NBPF11: variants seen among roughly 807,000 people sequenced by gnomAD.
The protein encoded by NBPF11 is NBPF family member NBPF11.
In NBPF11, 72 loss-of-function variants were observed where a neutral mutation model predicts 93.9. That is an observed-to-expected ratio of 0.77 (90% CI 0.63 to 0.93). The LOEUF (loss-of-function observed/expected upper bound fraction) is 0.93, where lower values mean the gene tolerates loss of function less well. Among genes scored for constraint, NBPF11 ranks in the 40% least tolerant of loss-of-function variants. The pLI is 0.00. For missense variants in NBPF11, 705 were observed against 802.2 expected (o/e 0.88, Z 1.46); for synonymous variants, 224 against 304.9 (o/e 0.73, Z 2.76).
At chr1:148,149,860 C>A (rs1182018486) in intron 1 of NBPF11, among the ~76,000 whole-genome samples, 2 of 151,376 alleles carry the variant, frequency 1.3e-5, no homozygotes, top group Non-Finnish European at 1.5e-5. Context: ...GATACTCAAT[C>A]TCAATACCAG....
intron 1 of NBPF11, among the ~76,000 whole-genome samples, chr1:148,148,419 G>A (rs1647299411): frequency 6.6e-6 from 1 of 152,122 alleles, no homozygotes. Context: ...GGCACGAGGA[G>A]GCCTTGTAAC....
intron 7 of NBPF11, 137 bp from the exon 8 acceptor site, chr1:148,122,938 A>T: frequency 6.6e-7 from 1 of 1,515,962 alleles, no homozygotes; most frequent in Non-Finnish European, 9.0e-7. Context: ...TATCCTTCAC[A>T]AAATGCCCTG....
rs1414815725 is a variant in NBPF11, at chr1:148,147,017, G to A, written c.-548-3331C>T. 1.9e-5 allele frequency: 24 copies of A among 1,270,394 alleles called. No individual in the cohort carries two copies. The Admixed American group carries it at 3.1e-4, about 16-fold the overall frequency. The allele number at this position is 1,270,394 out of a possible 1,614,324, so 78.7% of individuals were successfully genotyped here. A position where few individuals can be genotyped will look rare whatever the true frequency, so the allele number is the denominator to read the frequency against. On this transcript the variant is annotated intron_variant, in intron 1 of 23. Coordinates refer to ENST00000682118, the MANE Select transcript of NBPF11 (RefSeq NM_001385469.3). ...GGGCTTCCCTGGGAGGAAGGTGGGC[G>A]GCCCTGCAGGAGGGGAGCCACAGTG...
intron 9 of NBPF11, 31 bp from the exon 10 acceptor site, chr1:148,120,741 G>C: frequency 7.0e-7 from 1 of 1,419,092 alleles, no homozygotes; most frequent in Non-Finnish European, 1.0e-6. Flanking sequence ...CATATGATGG[G>C]TTAAAAACTG....
chr1:148,135,900 C>A lies in NBPF11; in HGVS notation c.-177-87G>T, dbSNP rs1273366378. ...CACTTTCTTACCATGACCCTGTTCA[C>A]TTGAGTGCCCTGTGTGGCCTGAGAG... On this transcript the variant is annotated intron_variant, in intron 3 of 23. Coordinates refer to ENST00000682118, the MANE Select transcript of NBPF11 (RefSeq NM_001385469.3). 7.8e-5 allele frequency: 72 copies of A among 920,762 alleles called. 2 individuals are homozygous for A. The African/African-American group carries it at 1.1e-3, about 15-fold the overall frequency. The allele number at this position is 920,762 out of a possible 1,614,324, so 57.0% of individuals were successfully genotyped here. A position where few individuals can be genotyped will look rare whatever the true frequency, so the allele number is the denominator to read the frequency against.
At position 148,110,483 on chromosome 1, in the gene NBPF11, A is replaced by G; in HGVS notation, c.1696T>C (p.Ser566Pro). 1.3e-6 allele frequency: 2 copies of G among 1,589,214 alleles called. No homozygotes were observed. The highest frequency in any genetic ancestry group is 4.5e-5 in the East Asian group (2 of 44,134). Residue 566 changes from serine to proline, a missense_variant, in exon 16 of 24, where the codon TCG becomes CCG. Ser to Pro is a moderately conservative substitution (Grantham distance 74). This residue lies in a region of NBPF11 where 8 missense variants were observed against 26.3 expected (regional missense o/e 0.30). Coordinates refer to ENST00000682118, the MANE Select transcript of NBPF11 (RefSeq NM_001385469.3). ...CTTTCAGGAGGAATTGAGAGAGTCG[A>G]ATAACCTTCATCCCAGGACTCCTGG... ...VPQESWDEGY[S>P]TLSIPPERLA...
Position 148,122,240 on chromosome 1 carries a change from T to C in NBPF11, c.593A>G (p.Lys198Arg). The C allele has an allele frequency of 2.5e-6, 4 of 1,611,720 alleles. No individual in the cohort carries two copies. Among genetic ancestry groups the C allele is most frequent in the Non-Finnish European group, 3.4e-6 (4 of 1,179,648 alleles). ...PREVQKAEESKVPEDSLEECA... is the reference protein window; with the variant it reads ...PREVQKAEESRVPEDSLEECA... ...TTCCTCCAGTGAGTCCTCAGGGACT[T>C]TGCTCTCTTCAGCCTTCTGCACCTC... is the stretch of plus-strand genomic sequence containing the variant. The change falls in exon 9 of 24, where the codon AAA (lysine) becomes AGA (arginine). Residue 198 changes from lysine (K) to arginine (R), a missense_variant. Lys to Arg is a conservative substitution (Grantham distance 26). Coordinates refer to ENST00000682118, the MANE Select transcript of NBPF11 (RefSeq NM_001385469.3).
chr1:148,127,010 G>C lies in NBPF11; in HGVS notation c.-7C>G. 1 of 681,364 alleles carries C rather than the reference G, an allele frequency of 1.5e-6. No individual in the cohort carries two copies. Among genetic ancestry groups the C allele is most frequent in the Non-Finnish European group, 2.5e-6 (1 of 395,734 alleles). The allele number at this position is 681,364 out of a possible 1,614,324, so 42.2% of individuals were successfully genotyped here. On this transcript the variant is annotated 5_prime_UTR_variant, in exon 5 of 24. Coordinates refer to ENST00000682118, the MANE Select transcript of NBPF11 (RefSeq NM_001385469.3). The stretch of plus-strand genomic sequence containing the variant: ...GGCCGGCTGATACCACCATGCTGAC[G>C]TTTGTGGCAGAAGAGGTGGAGTCAG...
chr1:148,121,359 T>TTTTTTTTC (rs1216161923), intron 9 of NBPF11, among the ~76,000 whole-genome samples: 1 of 142,724 alleles, frequency 7.0e-6, no homozygotes, highest in Admixed American at 7.2e-5. Flanking sequence ...TTTTTTTTTT[T>TTTTTTTTC]TTTTTTGAGA....
chr1:148,105,629 T>C lies in NBPF11; in HGVS notation c.2304-101A>G, dbSNP rs1663368052. On this transcript the variant is annotated intron_variant, in intron 21 of 23. Coordinates refer to ENST00000682118, the MANE Select transcript of NBPF11 (RefSeq NM_001385469.3). ...TAGCATAAGGAAGTGGTTAAAAAAG[T>C]AAAAGGATAGATCTATTAATGAGGT... is the stretch of plus-strand genomic sequence containing the variant. The C allele has an allele frequency of 2.9e-6, 2 of 692,858 alleles. 1 individual carries two copies. The allele number at this position is 692,858 out of a possible 1,614,324, so 42.9% of individuals were successfully genotyped here.
At position 148,114,426 on chromosome 1, in the gene NBPF11, CACA is replaced by C. The variant is rs1201819153; in HGVS notation, c.1637+8_1637+10del. The C allele has an allele frequency of 5.9e-5, 32 of 546,068 alleles. 1 individual carries two copies. The highest frequency in any genetic ancestry group is 1.0e-4 in the Non-Finnish European group (32 of 316,662). The allele number at this position is 546,068 out of a possible 1,614,324, so 33.8% of individuals were successfully genotyped here. A position where few individuals can be genotyped will look rare whatever the true frequency, so the allele number is the denominator to read the frequency against. ...CTACTGAATTAACAGCCAACAATTC[CACA>C]ACATTACCTGGGAGACACTGGCCCT... On this transcript the variant is annotated splice_region_variant and intron_variant, in intron 15 of 23. Coordinates refer to ENST00000682118, the MANE Select transcript of NBPF11 (RefSeq NM_001385469.3).
chr1:148,108,753 G>A (rs1321446333), intron 17 of NBPF11, 99 bp from the exon 18 acceptor site: 11 of 758,168 alleles, frequency 1.5e-5, no homozygotes, highest in East Asian at 2.6e-5. Context: ...AGTTTGAAAA[G>A]AAAAAGGACA....
intron 1 of NBPF11, among the ~76,000 whole-genome samples, chr1:148,149,801 AAG>A (rs1647830018): frequency 6.6e-6 from 1 of 151,880 alleles, no homozygotes; most frequent in Admixed American, 6.5e-5. Context: ...AAAAAAAAAA[AAG>A]ATTTAACAGG....
At position 148,126,809 on chromosome 1, in the gene NBPF11, G is replaced by A; in HGVS notation, c.175+20C>T. The A allele has an allele frequency of 1.3e-6, 2 of 1,597,614 alleles. No individual in the cohort carries two copies. The highest frequency in any genetic ancestry group is 2.2e-5 in the South Asian group (2 of 90,802). ...GTCTCACATTCATCACTTTCATGAT[G>A]GTGAGCCTATAGATCTTACTGTATT... is the stretch of plus-strand genomic sequence containing the variant. On this transcript the variant is annotated intron_variant, in intron 5 of 23. Transcript: ENST00000682118.
intron 2 of NBPF11, among the ~76,000 whole-genome samples, chr1:148,139,105 A>G (rs2149285435): frequency 6.6e-6 from 1 of 151,874 alleles, no homozygotes; most frequent in South Asian, 2.1e-4. Context: ...AAAAAAAGAT[A>G]AAATAAAATA....
At chr1:148,104,407 C>G (rs1206246819) in intron 23 of NBPF11, 130 bp downstream of exon 23, 18 of 635,506 alleles carry the variant, frequency 2.8e-5, no homozygotes, top group Non-Finnish European at 4.4e-5. Context: ...CAATGAAAAC[C>G]AACAACAATG....
chr1:148,139,199 T>C (rs1487065493), intron 2 of NBPF11, among the ~76,000 whole-genome samples: 2 of 151,344 alleles, frequency 1.3e-5, no homozygotes, highest in Non-Finnish European at 2.9e-5. Context: ...AAAAATTCCT[T>C]TTCTTGTGCT....
chr1:148,108,707 C>G lies in NBPF11; in HGVS notation c.1854-53G>C. On this transcript the variant is annotated intron_variant, in intron 17 of 23. Transcript: ENST00000682118. ...AAGCCAGGGGGAATCAGAAACCACA[C>G]AGCCCCAGCTAGATTTCATGGCTAA... 1.0e-5 allele frequency: 8 copies of G among 775,400 alleles called. No homozygotes were observed. In the South Asian group the frequency reaches 1.1e-4, roughly 11 times the overall value. The allele number at this position is 775,400 out of a possible 1,614,324, so 48.0% of individuals were successfully genotyped here.
chr1:148,106,114 TG>T, intron 21 of NBPF11, 66 bp downstream of exon 21: 1 of 622,676 alleles, frequency 1.6e-6, no homozygotes. Context: ...CAGCCCGCTC[TG>T]TTTTCCCTGA....
Sources: gnomAD v4.1 joint callset for allele counts (sites outside exome capture counted in the v4.1 genomes callset) on GRCh38, gnomAD v4.1.1 for gene constraint, gnomAD v4.1.1 regional missense constraint, MANE v1.5 for transcripts, NCBI Gene and HGNC (gene_info 2026-07-23, HGNC 2026-07-21) for gene names.